The following CCDC175 variants were observed in gnomAD, a reference collection of about 807,000 sequenced individuals.
CCDC175 encodes the protein coiled-coil domain containing 175, also known as coiled-coil domain-containing protein 175.
A neutral mutation model predicts 114.6 loss-of-function variants in CCDC175; 100 were observed. The observed-to-expected ratio is 0.87, with a 90% CI of 0.74 to 1.03. The LOEUF is 1.03. Ranked by LOEUF, CCDC175 falls within the 50% of genes least tolerant of loss-of-function variation. The probability of loss-of-function intolerance (pLI) is 0.00; values close to 1 mark genes in which losing one functional copy is unlikely to be tolerated. For synonymous variants in CCDC175, 306 were observed against 308.7 expected (o/e 0.99, Z 0.09); for missense variants, 880 against 917.8 (o/e 0.96, Z 0.53).
chr14:59,557,124 C>T (rs896736335), intron 7 of CCDC175, among the ~76,000 whole-genome samples: 1 of 152,016 alleles, frequency 6.6e-6, no homozygotes, highest in South Asian at 2.1e-4. Context: ...GGGTATATAC[C>T]CAAAGGATTA....
rs1365150666 is a variant in CCDC175, at chr14:59,533,728, C to T, written c.1624-1818G>A. 3.3e-5 allele frequency among the ~76,000 whole-genome samples: 5 copies of T among 152,232 alleles called. No homozygotes were observed. In the South Asian group the frequency reaches 8.3e-4, roughly 25 times the overall value. On this transcript the variant is annotated intron_variant, in intron 13 of 19. Transcript: ENST00000537690. ...ATCCAGCCAGGCATGGTGGCTCACA[C>T]CTGGAATCCCAGCACTTTGGGAGGC...
intron 7 of CCDC175, among the ~76,000 whole-genome samples, chr14:59,560,914 A>AT (rs1302102290): frequency 2.0e-5 from 3 of 151,996 alleles, no homozygotes; most frequent in Admixed American, 1.3e-4. Context: ...AGCATCTTTA[A>AT]TTTTTTCTCT....
chr14:59,526,381 G>A (rs1055272127), intron 15 of CCDC175, among the ~76,000 whole-genome samples: 18 of 151,830 alleles, frequency 1.2e-4, no homozygotes, highest in Admixed American at 9.8e-4. Context: ...CGAGGCAGGC[G>A]GATCACTTGA....
At position 59,540,686 on chromosome 14, in the gene CCDC175, TTC is replaced by T. The variant is rs1350335757; in HGVS notation, c.1342_1343del (p.Glu448LysfsTer28). On this transcript the variant is annotated frameshift_variant, in exon 11 of 20. Coordinates refer to ENST00000537690, the MANE Select transcript of CCDC175 (RefSeq NM_001164399.2). LOFTEE classifies it high-confidence loss of function. ...IKILSANLER[E>X]SQRCVITQWK... is the part of the protein sequence containing the mutation. ...TTTTTTTTTTTTACCATCTCTGACTTTCTCTTTCCAGGTTAGCACTCAGGATT... is the reference window on the plus strand; with the variant it reads ...TTTTTTTTTTTTACCATCTCTGACTTTCTTTCCAGGTTAGCACTCAGGATT... The T allele has an allele frequency of 7.0e-7, 1 of 1,428,074 alleles. No individual in the cohort carries two copies. The highest frequency in any genetic ancestry group is 9.4e-7 in the Non-Finnish European group (1 of 1,060,426). The allele number at this position is 1,428,074 out of a possible 1,614,324, so 88.5% of individuals were successfully genotyped here.
Position 59,563,772 on chromosome 14 carries a change from A to G in CCDC175, c.808T>C (p.Ser270Pro). 6.9e-7 allele frequency: 1 copy of G among 1,439,138 alleles called. No individual in the cohort carries two copies. The highest frequency in any genetic ancestry group is 9.1e-7 in the Non-Finnish European group (1 of 1,097,022). 89.1% of individuals were successfully genotyped at this position (1,439,138 alleles called of 1,614,324 possible). A position where few individuals can be genotyped will look rare whatever the true frequency, so the allele number is the denominator to read the frequency against. ...KELDKLQTKM[S>P]KIKETVTVSA... is the part of the protein sequence containing the mutation. ...ACAGTAACTGTTTCTTTTATTTTTG[A>G]CATTTTAGTTTGTAATTTATCCAAT... is the stretch of plus-strand genomic sequence containing the variant. The change falls in exon 6 of 20, where the codon TCA (serine) becomes CCA (proline). Residue 270 changes from serine to proline, a missense_variant. By Grantham distance (74) the Ser-to-Pro change is moderately conservative. Coordinates refer to ENST00000537690, the MANE Select transcript of CCDC175 (RefSeq NM_001164399.2).
At chr14:59,573,931 A>G (rs2140136510) in intron 2 of CCDC175, among the ~76,000 whole-genome samples, 1 of 152,248 alleles carries the variant, frequency 6.6e-6, no homozygotes. Context: ...CTGTTGTTTA[A>G]GAGATTTCAC....
chr14:59,565,407 T>C (rs147204319), intron 4 of CCDC175, 132 bp from the exon 5 acceptor site: 560 of 818,754 alleles, frequency 6.8e-4, no homozygotes, highest in Admixed American at 2.2e-3. Flanking sequence ...TTTATGATTG[T>C]CTAAACTTGG....
intron 17 of CCDC175, among the ~76,000 whole-genome samples, chr14:59,513,163 T>C (rs928659824): frequency 6.6e-6 from 1 of 152,088 alleles, no homozygotes; most frequent in African/African-American, 2.4e-5. Context: ...TCACATCATA[T>C]AAAAAAGTTC....
intron 13 of CCDC175, among the ~76,000 whole-genome samples, chr14:59,534,256 G>A (rs763359198): frequency 5.9e-5 from 9 of 152,090 alleles, no homozygotes; most frequent in African/African-American, 1.2e-4. Flanking sequence ...AGGTTCACAC[G>A]GTCTTCAGAT....
At chr14:59,573,078 G>GTTTCAATCC (rs1241607165) in intron 2 of CCDC175, among the ~76,000 whole-genome samples, 2 of 151,940 alleles carry the variant, frequency 1.3e-5, no homozygotes, top group Admixed American at 1.3e-4. Flanking sequence ...CTTATATGCA[G>GTTTCAATCC]TTTCAATCCA....
At chr14:59,541,562 G>T (rs1894789592) in intron 10 of CCDC175, among the ~76,000 whole-genome samples, 1 of 152,000 alleles carries the variant, frequency 6.6e-6, no homozygotes, top group Admixed American at 6.5e-5. Context: ...GTGTTTCTTT[G>T]TCTGTTTGAA....
chr14:59,559,948 T>C (rs1239047494), intron 7 of CCDC175, among the ~76,000 whole-genome samples: 15 of 152,242 alleles, frequency 9.9e-5, no homozygotes, highest in South Asian at 4.1e-4. Context: ...TTCATCAACG[T>C]AGTGAGGTTT....
intron 17 of CCDC175, among the ~76,000 whole-genome samples, chr14:59,515,488 G>T (rs554316544): frequency 6.6e-6 from 1 of 151,610 alleles, no homozygotes; most frequent in East Asian, 1.9e-4. Flanking sequence ...CAAACAAATG[G>T]AAAACAAAAA....
At chr14:59,531,249 A>T (rs891566801) in intron 14 of CCDC175, among the ~76,000 whole-genome samples, 10 of 152,222 alleles carry the variant, frequency 6.6e-5, no homozygotes, top group Admixed American at 3.9e-4. Flanking sequence ...ATACCATGTA[A>T]TATAATTTAA....
chr14:59,517,007 G>A (rs1893133054), intron 17 of CCDC175, among the ~76,000 whole-genome samples: 1 of 152,170 alleles, frequency 6.6e-6, no homozygotes, highest in South Asian at 2.1e-4. Flanking sequence ...ATGCAAGGCT[G>A]GTTCAACAGA....
At chr14:59,560,062 C>G (rs546581924) in intron 7 of CCDC175, among the ~76,000 whole-genome samples, 3 of 152,166 alleles carry the variant, frequency 2.0e-5, no homozygotes, top group Admixed American at 2.0e-4. Flanking sequence ...ACTATTGAAT[C>G]ACAAAATAAA....
intron 4 of CCDC175, among the ~76,000 whole-genome samples, chr14:59,565,947 A>G (rs1896514435): frequency 6.6e-6 from 1 of 152,208 alleles, no homozygotes; most frequent in African/African-American, 2.4e-5. Flanking sequence ...CATCATGTCT[A>G]TCTTATCATC....
intron 8 of CCDC175, among the ~76,000 whole-genome samples, chr14:59,549,937 A>T (rs1895364030): frequency 6.6e-6 from 1 of 151,152 alleles, no homozygotes; most frequent in Non-Finnish European, 1.5e-5. Context: ...TTTTAGAGGG[A>T]CTCTTGCTCT....
chr14:59,572,678 T>C, intron 3 of CCDC175, 24 bp downstream of exon 3: 1 of 1,269,210 alleles, frequency 7.9e-7, no homozygotes, highest in East Asian at 2.7e-5. Context: ...ACTAAATTTC[T>C]AGAGTTGATA....
Sources: allele counts gnomAD v4.1 joint callset (sites outside exome capture counted in the v4.1 genomes callset), GRCh38; gene constraint gnomAD v4.1.1; transcripts MANE v1.5; gene names NCBI Gene and HGNC (gene_info 2026-07-23, HGNC 2026-07-21).